The following SLC38A2 variants were observed in gnomAD, a reference collection of about 807,000 sequenced individuals.
The protein encoded by SLC38A2 is solute carrier family 38 member 2.
In SLC38A2, 11 loss-of-function variants were observed where a neutral mutation model predicts 61.5. The observed-to-expected ratio is 0.18, with a 90% CI of 0.11 to 0.30. The LOEUF (loss-of-function observed/expected upper bound fraction) is 0.30, where lower values mean the gene tolerates loss of function less well. SLC38A2 is among the 10% of genes least tolerant of loss of function. The pLI is 1.00. For missense variants in SLC38A2, 522 were observed against 600.4 expected (o/e 0.87, Z 1.36); for synonymous variants, 217 against 212.5 (o/e 1.02, Z -0.18).
Position 46,362,270 on chromosome 12 carries a change from A to C in SLC38A2, c.1422+14T>G, listed in dbSNP as rs374812727. On this transcript the variant is annotated intron_variant, in intron 15 of 15. Coordinates refer to ENST00000256689, the MANE Select transcript of SLC38A2 (RefSeq NM_018976.5). The stretch of plus-strand genomic sequence containing the variant: ...ATATTATTACTGTTTCTATGGTTAT[A>C]ATCTTTCACTCACCCCAATCTTTTG... The C allele has an allele frequency of 1.3e-6, 2 of 1,574,966 alleles. No individual in the cohort carries two copies. The highest frequency in any genetic ancestry group is 2.3e-5 in the South Asian group (2 of 86,632).
intron 13 of SLC38A2, 142 bp downstream of exon 13, chr12:46,362,879 T>G: frequency 3.6e-6 from 4 of 1,110,938 alleles, no homozygotes; most frequent in Non-Finnish European, 5.0e-6. Flanking sequence ...ATACACTGTA[T>G]TTTTAAAAAG....
rs753125374 is a variant in SLC38A2, at chr12:46,365,138, G to C, written c.615C>G (p.Val205=). 6.2e-7 allele frequency: 1 copy of C among 1,613,280 alleles called. No homozygotes were observed. Among genetic ancestry groups the C allele is most frequent in the South Asian group, 1.1e-5 (1 of 90,998 alleles). The part of the protein sequence containing the change: ...NYLVLLVSLV[V]ILPLSLFRNL... ...TTCTAAACAGCGACAAAGGAAGAATGACCACCAATGACACCAACAGAACCA... is the reference window on the plus strand; with the variant it reads ...TTCTAAACAGCGACAAAGGAAGAATCACCACCAATGACACCAACAGAACCA... Residue 205 remains valine, a synonymous_variant, in exon 8 of 16, where the codon GTC becomes GTG. Coordinates refer to ENST00000256689, the MANE Select transcript of SLC38A2 (RefSeq NM_018976.5).
chr12:46,361,073 G>A lies in SLC38A2; in HGVS notation c.*38C>T. 1 of 1,489,236 alleles carries A rather than the reference G, an allele frequency of 6.7e-7. No homozygotes were observed. Among genetic ancestry groups the A allele is most frequent in the Non-Finnish European group, 9.3e-7 (1 of 1,071,104 alleles). The allele number at this position is 1,489,236 out of a possible 1,614,324, so 92.3% of individuals were successfully genotyped here. On this transcript the variant is annotated 3_prime_UTR_variant, in exon 16 of 16. Coordinates refer to ENST00000256689, the MANE Select transcript of SLC38A2 (RefSeq NM_018976.5). ...TAGTAGTTGAGTTTACTCAACACTG[G>A]CATCAGATGGACTGAGTTTGAGTTT...
At chr12:46,364,826 C>A in intron 8 of SLC38A2, 124 bp from the exon 9 acceptor site, 1 of 828,722 alleles carries the variant, frequency 1.2e-6, no homozygotes, top group Non-Finnish European at 1.9e-6. Flanking sequence ...ATGTGTATAG[C>A]ACTAAATTTC....
At chr12:46,372,419 G>C in intron 1 of SLC38A2, 90 bp downstream of exon 1, 1 of 342,300 alleles carries the variant, frequency 2.9e-6, no homozygotes, top group East Asian at 4.1e-5. Flanking sequence ...CCCCGCGGCC[G>C]CCTTCCCGCG....
chr12:46,365,225 A>T (rs1401865096), intron 7 of SLC38A2, 36 bp from the exon 8 acceptor site: 1 of 1,517,978 alleles, frequency 6.6e-7, no homozygotes, highest in East Asian at 2.3e-5. Flanking sequence ...AACAGTCACA[A>T]ATATCCTCTG....
At chr12:46,368,161 T>C (rs565261341) in intron 4 of SLC38A2, among the ~76,000 whole-genome samples, 48 of 152,060 alleles carry the variant, frequency 3.2e-4, no homozygotes, top group African/African-American at 1.0e-3. Context: ...GAAATGACAC[T>C]AACATGATAC....
intron 10 of SLC38A2, 25 bp from the exon 11 acceptor site, chr12:46,364,028 T>C: frequency 6.3e-7 from 1 of 1,577,832 alleles, no homozygotes; most frequent in Non-Finnish European, 8.6e-7. Context: ...AAAAATCTAC[T>C]TAATCTGATG....
rs775162526 is a variant in SLC38A2, at chr12:46,363,735, T to C, written c.1045A>G (p.Thr349Ala). 6.4e-7 allele frequency: 1 copy of C among 1,566,814 alleles called. No homozygotes were observed. Among genetic ancestry groups the C allele is most frequent in the South Asian group, 1.2e-5 (1 of 82,576 alleles). The part of the protein sequence containing the change: ...YLLAALFGYL[T>A]FYEHVESELL... Reference sequence around the variant, plus strand: ...AGGAGGCGTTACTTACCGTAAAATGTTAGGTATCCAAAGAGGGCGGCAAGC... The same window carrying C: ...AGGAGGCGTTACTTACCGTAAAATGCTAGGTATCCAAAGAGGGCGGCAAGC... Residue 349 changes from threonine (T) to alanine (A), a missense_variant, in exon 12 of 16, where the codon ACA becomes GCA. Thr to Ala is a moderately conservative substitution (Grantham distance 58). Coordinates refer to ENST00000256689, the MANE Select transcript of SLC38A2 (RefSeq NM_018976.5).
intron 4 of SLC38A2, 41 bp downstream of exon 4, chr12:46,370,471 A>G (rs74385174): frequency 0.017 from 24,477 of 1,427,444 alleles, 277 homozygotes; most frequent in Middle Eastern, 0.022. Flanking sequence ...TTACCATAGT[A>G]ACTGCCCTGC....
At chr12:46,371,559 G>C in intron 1 of SLC38A2, 180 bp from the exon 2 acceptor site, 2 of 444,766 alleles carry the variant, frequency 4.5e-6, no homozygotes, top group South Asian at 5.4e-5. Context: ...GGAGCCGCGG[G>C]GAGAACAAAG....
In SLC38A2 at chr12:46,363,082, A is replaced by C; in HGVS notation, c.1118T>G (p.Leu373Arg). The change falls in exon 13 of 16, where the codon CTC becomes CGC. Residue 373 changes from leucine to arginine, a missense_variant. By Grantham distance (102) the Leu-to-Arg change is moderately radical (BLOSUM62 -2). Around this residue, in one of 3 missense-constraint regions of SLC38A2, gnomAD observed 309 missense variants for 343.9 expected, o/e 0.90. Transcript: ENST00000256689. Reference protein sequence around the residue: ...SSILGTDILLLIVRLAVLMAV... With the variant: ...SSILGTDILLRIVRLAVLMAV... ...CATTAACACAGCCAGACGGACAATG[A>C]GAAGAAGAATATCAGTTCCCAAGAT... 1 of 1,613,144 alleles carries C rather than the reference A, an allele frequency of 6.2e-7. No individual in the cohort carries two copies. The highest frequency in any genetic ancestry group is 8.5e-7 in the Non-Finnish European group (1 of 1,179,252).
chr12:46,369,199 C>G (rs1182650431), intron 4 of SLC38A2, among the ~76,000 whole-genome samples: 3 of 152,160 alleles, frequency 2.0e-5, no homozygotes, highest in Non-Finnish European at 4.4e-5. Flanking sequence ...AGTTTTTATA[C>G]CAAGTGCTAA....
chr12:46,370,488 GACTC>G lies in SLC38A2; in HGVS notation c.314+20_314+23del. The G allele has an allele frequency of 1.3e-6, 2 of 1,538,712 alleles. No individual in the cohort carries two copies. Among genetic ancestry groups the G allele is most frequent in the Non-Finnish European group, 1.8e-6 (2 of 1,111,400 alleles). ...ACCATAGTAACTGCCCTGCATGGCA[GACTC>G]ACTACTTACACATACTTACATAAAA... On this transcript the variant is annotated intron_variant, in intron 4 of 15. Coordinates refer to ENST00000256689, the MANE Select transcript of SLC38A2 (RefSeq NM_018976.5).
intron 10 of SLC38A2, 96 bp downstream of exon 10, chr12:46,364,293 G>T: frequency 1.6e-6 from 2 of 1,262,024 alleles, no homozygotes; most frequent in Non-Finnish European, 2.2e-6. Flanking sequence ...TTTCTATAAA[G>T]CACCTATTAT....
intron 10 of SLC38A2, among the ~76,000 whole-genome samples, 181 bp downstream of exon 10, chr12:46,364,208 T>C (rs1943113964): frequency 6.6e-6 from 1 of 152,066 alleles, no homozygotes; most frequent in Non-Finnish European, 1.5e-5. Flanking sequence ...CATATGATTA[T>C]CTCAATTCTC....
chr12:46,365,361 G>T, intron 7 of SLC38A2, 172 bp from the exon 8 acceptor site: 1 of 632,522 alleles, frequency 1.6e-6, no homozygotes. Flanking sequence ...AATTTTGTGT[G>T]CTAGATGAAC....
intron 12 of SLC38A2, 31 bp downstream of exon 12, chr12:46,363,694 GT>G: frequency 7.2e-7 from 1 of 1,396,704 alleles, no homozygotes; most frequent in Non-Finnish European, 9.7e-7. Flanking sequence ...TTTTGTTTTT[GT>G]TTTTGTTTTG....
At chr12:46,361,344 C>A (rs57271454) in intron 15 of SLC38A2, 135 bp from the exon 16 acceptor site, 23,037 of 718,310 alleles carry the variant, frequency 0.032, 2,119 homozygotes, top group East Asian at 0.26. Context: ...ATTTAACTTG[C>A]TAAATATAAA....
Sources: allele counts gnomAD v4.1 joint callset (sites outside exome capture counted in the v4.1 genomes callset), GRCh38; gene constraint gnomAD v4.1.1; regional missense constraint gnomAD v4.1.1; transcripts MANE v1.5; gene names NCBI Gene and HGNC (gene_info 2026-07-23, HGNC 2026-07-21).